ANKS1B: variants seen among roughly 807,000 people sequenced by gnomAD.
ANKS1B encodes the protein ankyrin repeat and sterile alpha motif domain containing 1B.
A neutral mutation model predicts 148.3 loss-of-function variants in ANKS1B; 36 were observed. That is an observed-to-expected ratio of 0.24 (90% CI 0.19 to 0.32). The LOEUF is 0.32. ANKS1B is among the 10% of genes least tolerant of loss of function. The probability of loss-of-function intolerance (pLI) is 1.00; values close to 1 mark genes in which losing one functional copy is unlikely to be tolerated. For synonymous variants in ANKS1B, 542 were observed against 560.8 expected (o/e 0.97, Z 0.47); for missense variants, 1,157 against 1,542.6 (o/e 0.75, Z 4.19).
chr12:99,446,469 C>T (rs1369063203), intron 10 of ANKS1B, among the ~76,000 whole-genome samples: 2 of 151,826 alleles, frequency 1.3e-5, no homozygotes, highest in Non-Finnish European at 2.9e-5. Context: ...CATTTAATAC[C>T]CAAATTAACT....
chr12:99,377,020 T>G (rs552563937), intron 12 of ANKS1B, among the ~76,000 whole-genome samples: 3 of 152,004 alleles, frequency 2.0e-5, no homozygotes, highest in Non-Finnish European at 4.4e-5. Context: ...CTATCTTTTT[T>G]TTTTTTGAGA....
intron 14 of ANKS1B, among the ~76,000 whole-genome samples, chr12:99,203,083 A>G (rs1373851065): frequency 1.3e-5 from 2 of 152,254 alleles, no homozygotes; most frequent in Non-Finnish European, 2.9e-5. Flanking sequence ...GAAACCACAC[A>G]GGAATGTGAA....
intron 9 of ANKS1B, among the ~76,000 whole-genome samples, chr12:99,518,606 TAGTCTAGATAAAGGTCTGTCAATCTG>T (rs1045209786): frequency 6.6e-6 from 1 of 152,082 alleles, no homozygotes; most frequent in African/African-American, 2.4e-5. Context: ...CTTTTTTTCT[TAGTCTAGATAAAGGTCTGTCAATCTG>T]AGTCTGGCTA....
intron 9 of ANKS1B, among the ~76,000 whole-genome samples, chr12:99,632,765 A>ATT (rs1475764324): frequency 2.5e-5 from 2 of 81,572 alleles, no homozygotes; most frequent in East Asian, 3.3e-4. Flanking sequence ...ATATATATAT[A>ATT]TATTTTAATT....
chr12:98,735,587 G>A lies in ANKS1B; in HGVS notation c.738C>T (p.His246=), dbSNP rs534681766. The change falls in exon 10 of 10, where the codon CAC becomes CAT. Residue 246 remains histidine, a synonymous_variant. Coordinates refer to the ANKS1B transcript ENST00000341752. Reference sequence around the variant, plus strand: ...AAAATTTTCTGAGTGCCTCCTCAGTGTGTCTCTCTGATGGTTCCTGCCCGG... The same window carrying A: ...AAAATTTTCTGAGTGCCTCCTCAGTATGTCTCTCTGATGGTTCCTGCCCGG... 14 of 773,868 alleles carry A rather than the reference G, an allele frequency of 1.8e-5. No homozygotes were observed. In the East Asian group the frequency reaches 2.7e-4, roughly 15 times the overall value. The allele number at this position is 773,868 out of a possible 1,614,324, so 47.9% of individuals were successfully genotyped here.
At chr12:99,158,145 A>C (rs1300956644) in intron 14 of ANKS1B, among the ~76,000 whole-genome samples, 1 of 152,168 alleles carries the variant, frequency 6.6e-6, no homozygotes, top group Non-Finnish European at 1.5e-5. Context: ...TTTTCTCATG[A>C]GTCAAATCTC....
chr12:98,816,000 T>C lies in ANKS1B; in HGVS notation c.3067-8082A>G, dbSNP rs946876281. ...CAATGACCTGCAAGGTTCTCCGTTCTCTGGTACCCACACTGCTCTACCTCC... is the reference window on the plus strand; with the variant it reads ...CAATGACCTGCAAGGTTCTCCGTTCCCTGGTACCCACACTGCTCTACCTCC... On this transcript the variant is annotated intron_variant, in intron 19 of 26. Coordinates refer to ENST00000683438, the MANE Select transcript of ANKS1B (RefSeq NM_001352186.2). Among the ~76,000 whole-genome samples the C allele has an allele frequency of 2.6e-5, 4 of 152,276 alleles. No individual in the cohort carries two copies. In the East Asian group the frequency reaches 7.8e-4, roughly 30 times the overall value.
At chr12:99,472,330 C>G (rs947165105) in intron 10 of ANKS1B, among the ~76,000 whole-genome samples, 1 of 152,084 alleles carries the variant, frequency 6.6e-6, no homozygotes, top group Non-Finnish European at 1.5e-5. Flanking sequence ...CATATAAGAT[C>G]AGGCTCATTA....
intron 17 of ANKS1B, among the ~76,000 whole-genome samples, chr12:99,008,450 G>C (rs1351750629): frequency 6.6e-6 from 1 of 152,092 alleles, no homozygotes; most frequent in Non-Finnish European, 1.5e-5. Context: ...ATAAGATAGG[G>C]AACAATTTTA....
chr12:99,664,919 T>C (rs1167449161), intron 8 of ANKS1B, among the ~76,000 whole-genome samples: 1 of 152,212 alleles, frequency 6.6e-6, no homozygotes, highest in East Asian at 1.9e-4. Flanking sequence ...CCTAATGTTT[T>C]TGAGATTCAT....
intron 11 of ANKS1B, among the ~76,000 whole-genome samples, chr12:99,427,590 T>C (rs2095284193): frequency 6.6e-6 from 1 of 152,212 alleles, no homozygotes; most frequent in South Asian, 2.1e-4. Context: ...AATCTGAAGT[T>C]ATATTCTCTA....
chr12:99,718,984 A>C (rs2057768880), intron 8 of ANKS1B, among the ~76,000 whole-genome samples: 1 of 152,158 alleles, frequency 6.6e-6, no homozygotes, highest in Non-Finnish European at 1.5e-5. Flanking sequence ...GTGTCCGACT[A>C]ATCTCCCAAA....
intron 1 of ANKS1B, among the ~76,000 whole-genome samples, chr12:99,851,350 T>C (rs759074887): frequency 5.9e-5 from 9 of 152,132 alleles, no homozygotes; most frequent in African/African-American, 9.7e-5. Context: ...CAACTCTTCC[T>C]AATTAAGTTT....
chr12:99,406,413 C>G (rs1466128659), intron 11 of ANKS1B, among the ~76,000 whole-genome samples: 1 of 145,434 alleles, frequency 6.9e-6, no homozygotes, highest in Non-Finnish European at 1.5e-5. Context: ...AAACAATATG[C>G]TACTGAATGA....
chr12:99,661,322 T>C (rs1452151651), intron 8 of ANKS1B, among the ~76,000 whole-genome samples: 66 of 152,212 alleles, frequency 4.3e-4, no homozygotes, highest in Non-Finnish European at 3.7e-4. Flanking sequence ...TAATCACTTA[T>C]GTCTTTAGAT....
At chr12:99,848,755 A>G (rs1417743153) in intron 1 of ANKS1B, among the ~76,000 whole-genome samples, 1 of 152,216 alleles carries the variant, frequency 6.6e-6, no homozygotes, top group Non-Finnish European at 1.5e-5. Context: ...AATTTCTAGA[A>G]GAAAAAAATT....
chr12:99,770,245 T>C (rs2063062539), intron 8 of ANKS1B, among the ~76,000 whole-genome samples: 1 of 152,184 alleles, frequency 6.6e-6, no homozygotes, highest in Non-Finnish European at 1.5e-5. Flanking sequence ...CAGTTCTTAT[T>C]TATTCAGTGT....
At chr12:99,849,433 C>T (rs980033320) in intron 1 of ANKS1B, among the ~76,000 whole-genome samples, 3 of 151,864 alleles carry the variant, frequency 2.0e-5, no homozygotes, top group African/African-American at 7.3e-5. Flanking sequence ...ATTCTCATAC[C>T]CTGCTAGTAA....
At chr12:99,691,213 A>G (rs2098677572) in intron 8 of ANKS1B, among the ~76,000 whole-genome samples, 3 of 152,124 alleles carry the variant, frequency 2.0e-5, no homozygotes, top group Admixed American at 2.0e-4. Context: ...ACAAAACCAT[A>G]CTTCCTCCCA....
Sources: gnomAD v4.1 joint callset for allele counts (sites outside exome capture counted in the v4.1 genomes callset) on GRCh38, gnomAD v4.1.1 for gene constraint, MANE v1.5 for transcripts, NCBI Gene and HGNC (gene_info 2026-07-23, HGNC 2026-07-21) for gene names.